Variants in LBH observed in about 807,000 individuals in gnomAD.
LBH encodes the protein protein LBH.
In LBH, 7 loss-of-function variants were observed where a neutral mutation model predicts 12.5. That is an observed-to-expected ratio of 0.56 (90% CI 0.32 to 1.05). LBH has a LOEUF of 1.05. LBH is among the 50% of genes least tolerant of loss of function. The probability of loss-of-function intolerance (pLI) is 0.04; values close to 1 mark genes in which losing one functional copy is unlikely to be tolerated. For synonymous variants in LBH, 51 were observed against 50.1 expected (o/e 1.02, Z -0.08); for missense variants, 119 against 138.9 (o/e 0.86, Z 0.72).
chr2:30,235,889 T>G (rs895756486), intron 2 of LBH, among the ~76,000 whole-genome samples: 2 of 151,392 alleles, frequency 1.3e-5, no homozygotes, highest in Non-Finnish European at 2.9e-5. Flanking sequence ...TTGAAGGGGG[T>G]GTGTGGAGCA....
intron 2 of LBH, among the ~76,000 whole-genome samples, chr2:30,246,956 A>G (rs919035413): frequency 6.6e-6 from 1 of 151,400 alleles, no homozygotes; most frequent in Non-Finnish European, 1.5e-5. Context: ...CCAAGTCCCT[A>G]TGACTATAGA....
rs13386455 is a variant in LBH, at chr2:30,257,999, A to G, written c.*378A>G. The G allele has an allele frequency of 0.23, 38,913 of 168,238 alleles. 5,212 individuals carry two copies. Among genetic ancestry groups the G allele is most frequent in the African/African-American group, 0.34 (14,121 of 41,714 alleles). 10.4% of individuals were successfully genotyped at this position (168,238 alleles called of 1,614,324 possible). A position where few individuals can be genotyped will look rare whatever the true frequency, so the allele number is the denominator to read the frequency against. On this transcript the variant is annotated 3_prime_UTR_variant, in exon 3 of 3. Transcript: ENST00000395323. ...TGGGTGGGAGGTGGGGCATGTGCAA[A>G]GCAAGCAAGGAACATTTGGGGTAAG... is the stretch of plus-strand genomic sequence containing the variant.
At chr2:30,248,209 C>T (rs1204792137) in intron 2 of LBH, among the ~76,000 whole-genome samples, 1 of 152,216 alleles carries the variant, frequency 6.6e-6, no homozygotes, top group African/African-American at 2.4e-5. Flanking sequence ...AATCTCCAAG[C>T]TTCTTTTATG....
At position 30,234,461 on chromosome 2, in the gene LBH, TGGA is replaced by T. The variant is rs1178347775; in HGVS notation, c.88_90del (p.Glu30del). 2 of 1,613,992 alleles carry T rather than the reference TGGA, an allele frequency of 1.2e-6. No homozygotes were observed. Among genetic ancestry groups the T allele is most frequent in the African/African-American group, 1.3e-5 (1 of 74,926 alleles). On this transcript the variant is annotated inframe_deletion, in exon 2 of 3. Transcript: ENST00000395323. ...GAGGTGATGATGAACACCCAGCCCA[TGGA>T]GGAGATCGGCCTCAGCCCCCGCAAG...
intron 2 of LBH, among the ~76,000 whole-genome samples, chr2:30,241,204 G>A (rs1026338839): frequency 3.9e-5 from 6 of 152,168 alleles, no homozygotes; most frequent in East Asian, 1.9e-4. Flanking sequence ...CCCCATGGAC[G>A]TAGGCAGTGG....
intron 2 of LBH, among the ~76,000 whole-genome samples, chr2:30,238,406 T>C (rs1677727038): frequency 6.6e-6 from 1 of 152,236 alleles, no homozygotes; most frequent in Non-Finnish European, 1.5e-5. Context: ...TAAATTTCTC[T>C]AATCAGCACA....
At position 30,236,845 on chromosome 2, in the gene LBH, T is replaced by C. The variant is rs1315766994; in HGVS notation, c.129+2338T>C. Reference sequence around the variant, plus strand: ...GGGAGGGCAGACTGGGGCTGGGCTCTGAAAGAAAATTAGGACTTTGAGAGG... The same window carrying C: ...GGGAGGGCAGACTGGGGCTGGGCTCCGAAAGAAAATTAGGACTTTGAGAGG... On this transcript the variant is annotated intron_variant, in intron 2 of 2. Coordinates refer to ENST00000395323, the MANE Select transcript of LBH (RefSeq NM_030915.4). Among the ~76,000 whole-genome samples the C allele has an allele frequency of 2.6e-5, 4 of 152,234 alleles. No homozygotes were observed. The East Asian group carries it at 7.7e-4, about 29-fold the overall frequency.
At chr2:30,244,151 G>C (rs1677836375) in intron 2 of LBH, among the ~76,000 whole-genome samples, 1 of 152,142 alleles carries the variant, frequency 6.6e-6, no homozygotes, top group African/African-American at 2.4e-5. Context: ...ATATCACAAG[G>C]CTGACACATA....
chr2:30,245,172 G>A (rs923744042), intron 2 of LBH, among the ~76,000 whole-genome samples: 17 of 152,140 alleles, frequency 1.1e-4, no homozygotes, highest in Admixed American at 1.1e-3. Context: ...ATTCTGTGGA[G>A]AAGTAGAATG....
In LBH at chr2:30,236,577, G is replaced by C. The variant is rs147306071; in HGVS notation, c.129+2070G>C. ...TTTTCTGATTTCAGAAAGGTCTCTT[G>C]GTTGCCTGGTGAAGAGGAAAGGGAG... is the stretch of plus-strand genomic sequence containing the variant. On this transcript the variant is annotated intron_variant, in intron 2 of 2. Coordinates refer to ENST00000395323, the MANE Select transcript of LBH (RefSeq NM_030915.4). Among the ~76,000 whole-genome samples, 572 of 152,276 alleles carry C rather than the reference G, an allele frequency of 3.8e-3. 3 individuals carry two copies. Among genetic ancestry groups the C allele is most frequent in the African/African-American group, 0.013 (535 of 41,554 alleles).
Position 30,236,616 on chromosome 2 carries a change from A to G in LBH, c.129+2109A>G, listed in dbSNP as rs562303416. On this transcript the variant is annotated intron_variant, in intron 2 of 2. Coordinates refer to ENST00000395323, the MANE Select transcript of LBH (RefSeq NM_030915.4). ...GAGGAAAGGGAGATTGTAGTATTTA[A>G]CCAAGCAACATTTAGGGGCACTTTC... 3.9e-5 allele frequency among the ~76,000 whole-genome samples: 6 copies of G among 152,346 alleles called. No homozygotes were observed. The South Asian group carries it at 1.2e-3, about 32-fold the overall frequency.
chr2:30,256,977 A>G (rs191092302), intron 2 of LBH, among the ~76,000 whole-genome samples: 1 of 152,332 alleles, frequency 6.6e-6, no homozygotes. Flanking sequence ...TGATATATGT[A>G]TAGCACCTGG....
In LBH at chr2:30,252,518, C is replaced by T. The variant is rs1354016763; in HGVS notation, c.130-4915C>T. ...TCTACTAAAAATACAAAAAATTAGC[C>T]GGGCGTGGTGGCGGGCGCCTGTCGT... On this transcript the variant is annotated intron_variant, in intron 2 of 2. Coordinates refer to ENST00000395323, the MANE Select transcript of LBH (RefSeq NM_030915.4). Among the ~76,000 whole-genome samples the T allele has an allele frequency of 3.9e-5, 6 of 152,066 alleles. No homozygotes were observed. In the East Asian group the frequency reaches 5.8e-4, roughly 15 times the overall value.
intron 2 of LBH, among the ~76,000 whole-genome samples, chr2:30,240,745 C>T (rs751378153): frequency 2.0e-5 from 3 of 152,220 alleles, no homozygotes; most frequent in African/African-American, 4.8e-5. Flanking sequence ...TTGGGAGCCC[C>T]CTCAAGCCCC....
chr2:30,247,637 C>A (rs1416746682), intron 2 of LBH, among the ~76,000 whole-genome samples: 2 of 152,214 alleles, frequency 1.3e-5, no homozygotes, highest in Non-Finnish European at 2.9e-5. Flanking sequence ...CACATGACTG[C>A]TTTCCTCAAG....
Position 30,235,690 on chromosome 2 carries a change from TAAA to T in LBH, c.129+1196_129+1198del, listed in dbSNP as rs11285876. ...TTCCAGGGACATTTATTTTGTAAATTAAAAAAAAAAAAAAATCAAATAGAAAGC... is the reference window on the plus strand; with the variant it reads ...TTCCAGGGACATTTATTTTGTAAATTAAAAAAAAAAAATCAAATAGAAAGC... On this transcript the variant is annotated intron_variant, in intron 2 of 2. Coordinates refer to ENST00000395323, the MANE Select transcript of LBH (RefSeq NM_030915.4). Among the ~76,000 whole-genome samples, 653 of 146,570 alleles carry T rather than the reference TAAA, an allele frequency of 4.5e-3. 7 individuals are homozygous for T. Among genetic ancestry groups the T allele is most frequent in the African/African-American group, 0.015 (622 of 40,188 alleles).
chr2:30,234,164 G>A (rs1318123570), intron 1 of LBH: 11 of 514,438 alleles, frequency 2.1e-5, no homozygotes, highest in Non-Finnish European at 3.2e-5. Context: ...AGGAGAGGAG[G>A]GAAGAGGTTT....
intron 2 of LBH, among the ~76,000 whole-genome samples, chr2:30,239,774 T>C (rs1677755485): frequency 1.3e-5 from 2 of 152,214 alleles, no homozygotes; most frequent in South Asian, 4.1e-4. Context: ...ACTGGGCCCG[T>C]GTCTGCACAT....
intron 2 of LBH, among the ~76,000 whole-genome samples, chr2:30,247,294 G>A (rs1677888456): frequency 6.6e-6 from 1 of 152,136 alleles, no homozygotes; most frequent in African/African-American, 2.4e-5. Context: ...AGTTATGCAG[G>A]TCTTCAAAAT....
Sources: allele counts gnomAD v4.1 joint callset (sites outside exome capture counted in the v4.1 genomes callset), GRCh38; gene constraint gnomAD v4.1.1; transcripts MANE v1.5; gene names NCBI Gene and HGNC (gene_info 2026-07-23, HGNC 2026-07-21).